PEX14: variants seen among roughly 807,000 people sequenced by gnomAD.
The protein encoded by PEX14 is peroxisomal biogenesis factor 14.
A neutral mutation model predicts 49.5 loss-of-function variants in PEX14; 15 were observed. The observed-to-expected ratio is 0.30, with a 90% CI of 0.20 to 0.47. The LOEUF (loss-of-function observed/expected upper bound fraction) is 0.47. Among genes scored for constraint, PEX14 ranks in the 20% least tolerant of loss-of-function variants. PEX14 has a pLI of 1.00. For missense variants in PEX14, 398 were observed against 494.8 expected, an observed-to-expected ratio of 0.80 and a Z score of 1.86; for synonymous variants, 210 against 212.7, an observed-to-expected ratio of 0.99 and a Z score of 0.11.
In PEX14 at chr1:10,495,135, C is replaced by T. The variant is rs1641535798; in HGVS notation, c.37-139C>T. The stretch of plus-strand genomic sequence containing the variant: ...TTTACAGGTAGTCCACTGCAAAATA[C>T]TCTTGTGTCGTGAAAAACCAGTGAG... On this transcript the variant is annotated intron_variant, in intron 1 of 8. Coordinates refer to ENST00000356607, the MANE Select transcript of PEX14 (RefSeq NM_004565.3). This position sits in a 1 kb window ranked among gnomAD's most constrained non-coding sequence, Gnocchi z 4.2. 1.0e-5 allele frequency: 16 copies of T among 1,548,398 alleles called. No homozygotes were observed. The highest frequency in any genetic ancestry group is 1.4e-5 in the Non-Finnish European group (16 of 1,145,142).
intron 3 of PEX14, among the ~76,000 whole-genome samples, chr1:10,579,077 C>T (rs1640235885): frequency 6.6e-6 from 1 of 151,934 alleles, no homozygotes; most frequent in African/African-American, 2.4e-5. Context: ...AAACAGCAGC[C>T]CAGGAAGTGT....
intron 3 of PEX14, among the ~76,000 whole-genome samples, chr1:10,550,082 A>C (rs1639293210): frequency 6.6e-6 from 1 of 152,224 alleles, no homozygotes; most frequent in Non-Finnish European, 1.5e-5. Context: ...GGGTGGAAGC[A>C]GACTCCACAG....
At position 10,629,379 on chromosome 1, in the gene PEX14, GGGGTGGAAGGGCTCCATC is replaced by G. The variant is rs1403337273; in HGVS notation, c.678-151_678-134del. 1.5e-6 allele frequency: 1 copy of G among 673,294 alleles called. No individual in the cohort carries two copies. Among genetic ancestry groups the G allele is most frequent in the African/African-American group, 1.8e-5 (1 of 56,232 alleles). The allele number at this position is 673,294 out of a possible 1,614,324, so 41.7% of individuals were successfully genotyped here. On this transcript the variant is annotated intron_variant, in intron 8 of 8. Transcript: ENST00000356607. The surrounding 1 kb of genome is among the most constrained non-coding windows in gnomAD (Gnocchi z 8.5). Reference sequence around the variant, plus strand: ...TGTAGGATCTTTGCTCCTGAAAGGAGGGGTGGAAGGGCTCCATCCTGTCCCTTGCCCAGTGTCCCTGGG... The same window carrying G: ...TGTAGGATCTTTGCTCCTGAAAGGAGCTGTCCCTTGCCCAGTGTCCCTGGG...
At chr1:10,491,575 C>T (rs577458362) in intron 1 of PEX14, among the ~76,000 whole-genome samples, 1 of 151,488 alleles carries the variant, frequency 6.6e-6, no homozygotes, top group East Asian at 2.0e-4. Context: ...CTGTGTTGCC[C>T]AGGCTGGTCT....
intron 2 of PEX14, among the ~76,000 whole-genome samples, chr1:10,533,553 TC>T (rs1638709737): frequency 6.6e-6 from 1 of 152,236 alleles, no homozygotes; most frequent in African/African-American, 2.4e-5. Context: ...TTTATGCTGT[TC>T]TTTGCTATAT....
At chr1:10,504,358 G>A (rs1641741525) in intron 2 of PEX14, among the ~76,000 whole-genome samples, 1 of 152,194 alleles carries the variant, frequency 6.6e-6, no homozygotes, top group African/African-American at 2.4e-5. Flanking sequence ...AATCTATCCA[G>A]GGGCACTCCT....
At chr1:10,621,624 C>T (rs987130658) in intron 5 of PEX14, among the ~76,000 whole-genome samples, 1 of 152,160 alleles carries the variant, frequency 6.6e-6, no homozygotes, top group East Asian at 1.9e-4. Context: ...GGATTACAAG[C>T]GTGAGCCACC....
intron 2 of PEX14, among the ~76,000 whole-genome samples, chr1:10,499,694 A>G (rs913208100): frequency 3.9e-5 from 6 of 152,014 alleles, no homozygotes; most frequent in Non-Finnish European, 8.8e-5. Flanking sequence ...TGATCTGCCC[A>G]CCTTGGCCTC....
At chr1:10,560,718 C>CTT (rs34964492) in intron 3 of PEX14, among the ~76,000 whole-genome samples, 4,189 of 128,964 alleles carry the variant, frequency 0.032, 337 homozygotes, top group African/African-American at 0.12. Flanking sequence ...ATTTTGCCAC[C>CTT]TTTTTTTTTT....
intron 1 of PEX14, among the ~76,000 whole-genome samples, chr1:10,477,505 C>T (rs373570590): frequency 4.6e-5 from 7 of 152,294 alleles, no homozygotes; most frequent in East Asian, 3.9e-4. Flanking sequence ...CCCATTTCTC[C>T]GATTAAAGCA....
chr1:10,549,217 A>G (rs1343578960), intron 3 of PEX14, among the ~76,000 whole-genome samples: 2 of 152,210 alleles, frequency 1.3e-5, no homozygotes, highest in Non-Finnish European at 2.9e-5. Flanking sequence ...GTGCATAGGA[A>G]TGGGACTCTT....
In PEX14 at chr1:10,629,520, T is replaced by C. The variant is rs1432245715; in HGVS notation, c.678-11T>C. On this transcript the variant is annotated splice_polypyrimidine_tract_variant and intron_variant, in intron 8 of 8. Transcript: ENST00000356607. The surrounding 1 kb of genome is among the most constrained non-coding windows in gnomAD (Gnocchi z 8.5). ...GCCGCCACCAACCTCCTCCCCTTCT[T>C]CTCCCTCTAGGAGGCAGTTCCCTCC... The C allele has an allele frequency of 4.4e-6, 7 of 1,597,534 alleles. No homozygotes were observed. Among genetic ancestry groups the C allele is most frequent in the Non-Finnish European group, 6.0e-6 (7 of 1,166,118 alleles).
At chr1:10,564,512 A>G (rs1262232511) in intron 3 of PEX14, among the ~76,000 whole-genome samples, 1 of 151,740 alleles carries the variant, frequency 6.6e-6, no homozygotes, top group Non-Finnish European at 1.5e-5. Flanking sequence ...TCAAGGCTCA[A>G]GCCATCCTCC....
intron 3 of PEX14, among the ~76,000 whole-genome samples, chr1:10,555,399 A>G (rs1226528914): frequency 6.6e-6 from 1 of 152,146 alleles, no homozygotes; most frequent in Non-Finnish European, 1.5e-5. Flanking sequence ...TGACGGAGGA[A>G]AACATGCTAA....
At chr1:10,593,375 G>A (rs1465484105) in intron 3 of PEX14, among the ~76,000 whole-genome samples, 4 of 152,052 alleles carry the variant, frequency 2.6e-5, no homozygotes, top group Non-Finnish European at 2.9e-5. Context: ...GATACCGAGA[G>A]GACATTCAGC....
intron 1 of PEX14, among the ~76,000 whole-genome samples, chr1:10,475,653 A>G (rs1006869396): frequency 6.6e-6 from 1 of 152,148 alleles, no homozygotes; most frequent in Non-Finnish European, 1.5e-5. Context: ...TCACCTGCAG[A>G]TTCAGACAAA....
chr1:10,525,301 A>G (rs1638438973), intron 2 of PEX14, among the ~76,000 whole-genome samples: 1 of 151,362 alleles, frequency 6.6e-6, no homozygotes, highest in Non-Finnish European at 1.5e-5. Flanking sequence ...CCCTTATGTC[A>G]TTACTTCTGA....
chr1:10,514,541 C>T lies in PEX14; in HGVS notation c.84+19220C>T, dbSNP rs1023908544. On this transcript the variant is annotated intron_variant, in intron 2 of 8. Coordinates refer to ENST00000356607, the MANE Select transcript of PEX14 (RefSeq NM_004565.3). This position sits in a 1 kb window ranked among gnomAD's most constrained non-coding sequence, Gnocchi z 4.4. ...CCACGTTCACACAGGAACTTTGGGC[C>T]TAAGACGCAACTCAAGGGAAAGCCA... 6.6e-6 allele frequency among the ~76,000 whole-genome samples: 1 copy of T among 152,132 alleles called. No homozygotes were observed. The highest frequency in any genetic ancestry group is 1.5e-5 in the Non-Finnish European group (1 of 68,028).
In PEX14 at chr1:10,539,722, A is replaced by C. The variant is rs534903621; in HGVS notation, c.169+3425A>C. ...TCAGTCCAGAAAGTTAGAGGCTTGG[A>C]AATTGTCGTCAATAGGCTTGTGTTG... On this transcript the variant is annotated intron_variant, in intron 3 of 8. Transcript: ENST00000356607. The surrounding 1 kb of genome is among the most constrained non-coding windows in gnomAD (Gnocchi z 4.6). Among the ~76,000 whole-genome samples the C allele has an allele frequency of 8.7e-4, 132 of 152,290 alleles. 1 individual carries two copies. The highest frequency in any genetic ancestry group is 7.7e-3 in the South Asian group (37 of 4,818).
Sources: allele counts gnomAD v4.1 joint callset (sites outside exome capture counted in the v4.1 genomes callset), GRCh38; gene constraint gnomAD v4.1.1; non-coding constraint Gnocchi (gnomAD v3.1); transcripts MANE v1.5; gene names NCBI Gene and HGNC (gene_info 2026-07-23, HGNC 2026-07-21).